Variants in NKAIN3 observed in about 807,000 individuals in gnomAD.
The protein encoded by NKAIN3 is sodium/potassium-transporting ATPase subunit beta-1-interacting protein 3.
Under a neutral mutation model 30.2 loss-of-function variants are expected in NKAIN3, and 25 were observed. The observed-to-expected ratio is 0.83, with a 90% CI of 0.60 to 1.16. NKAIN3 has a LOEUF of 1.16. NKAIN3 is among the 50% of genes most tolerant of loss of function. The pLI, the probability that NKAIN3 is intolerant of heterozygous loss-of-function variation, is 0.00. For missense variants in NKAIN3, 225 were observed against 254.1 expected (o/e 0.89, Z 0.78); for synonymous variants, 91 against 89.6 (o/e 1.02, Z -0.09).
intron 3 of NKAIN3, among the ~76,000 whole-genome samples, chr8:62,678,050 G>T (rs1813531565): frequency 6.6e-6 from 1 of 152,136 alleles, no homozygotes; most frequent in African/African-American, 2.4e-5. Context: ...GTCTACCCTA[G>T]ACTAGGTCCC....
intron 4 of NKAIN3, among the ~76,000 whole-genome samples, chr8:62,915,748 G>A (rs1320326142): frequency 2.0e-5 from 3 of 152,000 alleles, no homozygotes; most frequent in Non-Finnish European, 4.4e-5. Context: ...GGTTTAGTAA[G>A]AAAATGTCCC....
chr8:62,272,778 C>G (rs573774569), intron 1 of NKAIN3, among the ~76,000 whole-genome samples: 1 of 152,172 alleles, frequency 6.6e-6, no homozygotes, highest in Non-Finnish European at 1.5e-5. Flanking sequence ...ATAAATAACA[C>G]GTACAGCCCT....
intron 1 of NKAIN3, among the ~76,000 whole-genome samples, chr8:62,571,726 C>T (rs890190055): frequency 6.6e-6 from 1 of 152,188 alleles, no homozygotes; most frequent in African/African-American, 2.4e-5. Flanking sequence ...TCTGTGCACC[C>T]ACAGGCTCAA....
At chr8:62,644,901 A>G (rs1812411346) in intron 3 of NKAIN3, among the ~76,000 whole-genome samples, 1 of 152,148 alleles carries the variant, frequency 6.6e-6, no homozygotes, top group Admixed American at 6.5e-5. Flanking sequence ...GTTGTTTTTT[A>G]TGCAGGCAGG....
At chr8:62,790,251 A>G (rs2130670942) in intron 4 of NKAIN3, among the ~76,000 whole-genome samples, 1 of 152,312 alleles carries the variant, frequency 6.6e-6, no homozygotes, top group Admixed American at 6.5e-5. Context: ...GGCCTTTGAC[A>G]AAATTCAACA....
chr8:62,425,050 C>T (rs527680697), intron 1 of NKAIN3, among the ~76,000 whole-genome samples: 9 of 151,812 alleles, frequency 5.9e-5, no homozygotes, highest in Admixed American at 2.0e-4. Context: ...AGGACAAATA[C>T]TCCATGATTC....
chr8:62,546,851 G>T (rs1225752780), intron 1 of NKAIN3, among the ~76,000 whole-genome samples: 1 of 152,174 alleles, frequency 6.6e-6, no homozygotes, highest in Non-Finnish European at 1.5e-5. Context: ...CTGACAGAGG[G>T]TGCCAAGAAA....
chr8:62,903,826 G>A (rs1821686246), intron 4 of NKAIN3, among the ~76,000 whole-genome samples: 3 of 152,136 alleles, frequency 2.0e-5, no homozygotes, highest in African/African-American at 4.8e-5. Context: ...GCGGGAGAGA[G>A]AATGAGTGCC....
chr8:62,295,942 T>G (rs1813813972), intron 1 of NKAIN3, among the ~76,000 whole-genome samples: 1 of 152,182 alleles, frequency 6.6e-6, no homozygotes, highest in South Asian at 2.1e-4. Context: ...CACACCTTAG[T>G]GTAAATGTTC....
chr8:62,511,086 C>T (rs947211183), intron 1 of NKAIN3, among the ~76,000 whole-genome samples: 3 of 152,138 alleles, frequency 2.0e-5, no homozygotes, highest in African/African-American at 7.2e-5. Flanking sequence ...GCTCTTTCTG[C>T]CTTGGATCTG....
At chr8:62,469,480 C>A (rs1030745108) in intron 1 of NKAIN3, among the ~76,000 whole-genome samples, 1 of 152,154 alleles carries the variant, frequency 6.6e-6, no homozygotes, top group African/African-American at 2.4e-5. Context: ...GTTTTACTAA[C>A]ATTCTGCTCT....
chr8:62,726,554 A>G (rs948147094), intron 3 of NKAIN3, among the ~76,000 whole-genome samples: 5 of 152,058 alleles, frequency 3.3e-5, no homozygotes, highest in African/African-American at 1.2e-4. Context: ...TGAAATGATC[A>G]CATGGTTTTT....
intron 3 of NKAIN3, among the ~76,000 whole-genome samples, chr8:62,632,023 G>A (rs1201412059): frequency 6.6e-6 from 1 of 152,098 alleles, no homozygotes; most frequent in Non-Finnish European, 1.5e-5. Flanking sequence ...ACACTGAAAT[G>A]ACATGCACCA....
At chr8:62,568,074 G>C (rs1019418516) in intron 1 of NKAIN3, among the ~76,000 whole-genome samples, 7 of 152,154 alleles carry the variant, frequency 4.6e-5, no homozygotes, top group Non-Finnish European at 8.8e-5. Context: ...GTAAACACTT[G>C]AGGAAGAAAT....
At chr8:62,957,705 C>T (rs1209135853) in intron 6 of NKAIN3, among the ~76,000 whole-genome samples, 7 of 151,848 alleles carry the variant, frequency 4.6e-5, no homozygotes, top group South Asian at 2.1e-4. Flanking sequence ...TCAAGGGTTG[C>T]GGGAGGGGAG....
intron 2 of NKAIN3, among the ~76,000 whole-genome samples, chr8:62,586,570 A>G (rs578252006): frequency 2.5e-4 from 38 of 152,238 alleles, no homozygotes; most frequent in African/African-American, 8.9e-4. Flanking sequence ...CATATTGTAT[A>G]TGATATTATA....
chr8:62,286,730 G>A (rs1286572349), intron 1 of NKAIN3, among the ~76,000 whole-genome samples: 2 of 152,008 alleles, frequency 1.3e-5, no homozygotes, highest in Non-Finnish European at 1.5e-5. Context: ...CTTCAGTGGT[G>A]GGTGGCTTGG....
intron 3 of NKAIN3, among the ~76,000 whole-genome samples, chr8:62,670,879 GCACACACACACACA>G (rs57917158): frequency 8.7e-4 from 123 of 142,084 alleles, no homozygotes; most frequent in African/African-American, 2.6e-3. Flanking sequence ...ACACATACAA[GCACACACACACACA>G]CACACACACA....
chr8:62,259,446 CTAAT>C (rs1037153173), intron 1 of NKAIN3, among the ~76,000 whole-genome samples: 33 of 152,082 alleles, frequency 2.2e-4, no homozygotes, highest in African/African-American at 7.7e-4. Flanking sequence ...CCCATTAAAA[CTAAT>C]TAGTGTTAAT....
Sources: gnomAD v4.1 joint callset for allele counts (sites outside exome capture counted in the v4.1 genomes callset) on GRCh38, gnomAD v4.1.1 for gene constraint, MANE v1.5 for transcripts, NCBI Gene and HGNC (gene_info 2026-07-23, HGNC 2026-07-21) for gene names.